The following GNAI3 variants were observed in gnomAD, a reference collection of about 807,000 sequenced individuals.
GNAI3 encodes the protein G protein subunit alpha i3, also known as guanine nucleotide-binding protein G(i) subunit alpha-3.
Under a neutral mutation model 41.8 loss-of-function variants are expected in GNAI3, and 12 were observed. The observed-to-expected ratio is 0.29, with a 90% CI of 0.18 to 0.47. GNAI3 has a LOEUF of 0.47. GNAI3 is among the 20% of genes least tolerant of loss of function. GNAI3 has a pLI of 1.00. For synonymous variants in GNAI3, 132 were observed against 146.5 expected (o/e 0.90, Z 0.71); for missense variants, 360 against 429.6 (o/e 0.84, Z 1.43).
intron 1 of GNAI3, among the ~76,000 whole-genome samples, 180 bp from the exon 2 acceptor site, chr1:109,573,557 A>G (rs1648661319): frequency 6.6e-6 from 1 of 152,208 alleles, no homozygotes; most frequent in Non-Finnish European, 1.5e-5. Context: ...TGAGTTATGT[A>G]AAGAAAGCAA....
chr1:109,596,692 C>T lies in GNAI3; in HGVS notation c.*4370C>T, dbSNP rs948284521. The T allele has an allele frequency of 6.6e-6, 1 of 152,164 alleles. No individual in the cohort carries two copies. Among genetic ancestry groups the T allele is most frequent in the Non-Finnish European group, 1.5e-5 (1 of 68,042 alleles). The allele number at this position is 152,164 out of a possible 1,614,324, so 9.4% of individuals were successfully genotyped here. A position where few individuals can be genotyped will look rare whatever the true frequency, so the allele number is the denominator to read the frequency against. ...TTCTGATACCATATCAGGCCTAGGC[C>T]TGGGCTGACTCAAATCTTCTCAGGA... On this transcript the variant is annotated 3_prime_UTR_variant, in exon 9 of 9. Coordinates refer to ENST00000369851, the MANE Select transcript of GNAI3 (RefSeq NM_006496.4).
intron 1 of GNAI3, among the ~76,000 whole-genome samples, chr1:109,550,656 C>T (rs1647960163): frequency 6.6e-6 from 1 of 152,126 alleles, no homozygotes; most frequent in Non-Finnish European, 1.5e-5. Flanking sequence ...GCCTCAGCCT[C>T]CCAAGTAGCT....
chr1:109,568,445 C>T (rs1648513910), intron 1 of GNAI3, among the ~76,000 whole-genome samples: 1 of 152,044 alleles, frequency 6.6e-6, no homozygotes, highest in African/African-American at 2.4e-5. Flanking sequence ...ACTCAGGAGG[C>T]TGAGGGAGGA....
At chr1:109,563,159 A>T (rs1177708568) in intron 1 of GNAI3, among the ~76,000 whole-genome samples, 1 of 152,200 alleles carries the variant, frequency 6.6e-6, no homozygotes, top group East Asian at 1.9e-4. Flanking sequence ...GCACCTTGGG[A>T]TCACTTGAGC....
chr1:109,551,339 T>C (rs1353997881), intron 1 of GNAI3, among the ~76,000 whole-genome samples: 1 of 152,214 alleles, frequency 6.6e-6, no homozygotes, highest in Non-Finnish European at 1.5e-5. Context: ...CAAAACAGTA[T>C]ACAGTTTTCT....
At chr1:109,567,166 AAGAG>A (rs1425709803) in intron 1 of GNAI3, among the ~76,000 whole-genome samples, 1 of 152,302 alleles carries the variant, frequency 6.6e-6, no homozygotes, top group South Asian at 2.1e-4. Context: ...GGGCCCGTAG[AAGAG>A]AGAGTCTTGG....
intron 1 of GNAI3, among the ~76,000 whole-genome samples, chr1:109,555,618 A>G (rs1648117782): frequency 6.6e-6 from 1 of 152,204 alleles, no homozygotes; most frequent in Admixed American, 6.5e-5. Flanking sequence ...TAGATTTCAC[A>G]GGGCATGTAA....
At chr1:109,569,143 A>G (rs1486739135) in intron 1 of GNAI3, among the ~76,000 whole-genome samples, 1 of 152,228 alleles carries the variant, frequency 6.6e-6, no homozygotes, top group Non-Finnish European at 1.5e-5. Context: ...TCCTACTTAT[A>G]TAGGATATCC....
chr1:109,587,538 G>A (rs929961996), intron 7 of GNAI3, among the ~76,000 whole-genome samples: 1 of 152,064 alleles, frequency 6.6e-6, no homozygotes, highest in African/African-American at 2.4e-5. Context: ...TTAGAAAAGA[G>A]GAATTGCATA....
intron 7 of GNAI3, 126 bp downstream of exon 7, chr1:109,587,008 T>C (rs1226639102): frequency 8.9e-6 from 6 of 677,770 alleles, no homozygotes; most frequent in South Asian, 1.7e-5. Context: ...GGTAGTGGCA[T>C]TGGCATTAAG....
In GNAI3 at chr1:109,598,462, T is replaced by C. The variant is rs548413120; in HGVS notation, c.*6140T>C. ...GTGATATTCTGTGGTTCTCATCAGATAGAAATAACATATTTGAAAATGCTT... is the reference window on the plus strand; with the variant it reads ...GTGATATTCTGTGGTTCTCATCAGACAGAAATAACATATTTGAAAATGCTT... On this transcript the variant is annotated 3_prime_UTR_variant, in exon 9 of 9. Transcript: ENST00000369851. The C allele has an allele frequency of 6.4e-6, 1 of 155,044 alleles. No individual in the cohort carries two copies. Among genetic ancestry groups the C allele is most frequent in the East Asian group, 1.9e-4 (1 of 5,312 alleles). The allele number at this position is 155,044 out of a possible 1,614,324, so 9.6% of individuals were successfully genotyped here.
rs1482694246 is a variant in GNAI3, at chr1:109,597,460, T to G, written c.*5138T>G. 4 of 151,944 alleles carry G rather than the reference T, an allele frequency of 2.6e-5. No individual in the cohort carries two copies. Among genetic ancestry groups the G allele is most frequent in the Non-Finnish European group, 4.4e-5 (3 of 67,946 alleles). The allele number at this position is 151,944 out of a possible 1,614,324, so 9.4% of individuals were successfully genotyped here. ...CTGGGCGACAGAGTGAGTCTGTTTT[T>G]TTTTTGTTTTTTTTTAAAGTCAACA... On this transcript the variant is annotated 3_prime_UTR_variant, in exon 9 of 9. Transcript: ENST00000369851.
At position 109,596,970 on chromosome 1, in the gene GNAI3, GAGAGTTC is replaced by G. The variant is rs1649324775; in HGVS notation, c.*4652_*4658del. On this transcript the variant is annotated 3_prime_UTR_variant, in exon 9 of 9. Coordinates refer to ENST00000369851, the MANE Select transcript of GNAI3 (RefSeq NM_006496.4). ...AAATCTCTTGGGACCAGAAGTGTTT[GAGAGTTC>G]AGATTTTTGTGAGGTTTTGAAATAT... 1 of 152,146 alleles carries G rather than the reference GAGAGTTC, an allele frequency of 6.6e-6. No individual in the cohort carries two copies. Among genetic ancestry groups the G allele is most frequent in the Admixed American group, 6.5e-5 (1 of 15,278 alleles). 9.4% of individuals were successfully genotyped at this position (152,146 alleles called of 1,614,324 possible).
At chr1:109,592,323 T>A in intron 8 of GNAI3, 22 bp from the exon 9 acceptor site, 1 of 822,088 alleles carries the variant, frequency 1.2e-6, no homozygotes, top group Non-Finnish European at 2.0e-6. Context: ...TTTTTCTAAT[T>A]AAGAATATTC....
Position 109,595,137 on chromosome 1 carries a change from C to T in GNAI3, c.*2815C>T, listed in dbSNP as rs1180932583. 6.6e-6 allele frequency: 1 copy of T among 152,124 alleles called. No homozygotes were observed. Among genetic ancestry groups the T allele is most frequent in the Non-Finnish European group, 1.5e-5 (1 of 68,022 alleles). The allele number at this position is 152,124 out of a possible 1,614,324, so 9.4% of individuals were successfully genotyped here. The stretch of plus-strand genomic sequence containing the variant: ...CCTTGTGTGTTTCCTCTGAAGAATG[C>T]TGGAGATTTGTGATGGATAATGTTT... On this transcript the variant is annotated 3_prime_UTR_variant, in exon 9 of 9. Coordinates refer to ENST00000369851, the MANE Select transcript of GNAI3 (RefSeq NM_006496.4).
Position 109,594,862 on chromosome 1 carries a change from C to G in GNAI3, c.*2540C>G, listed in dbSNP as rs1366095246. The G allele has an allele frequency of 6.6e-6, 1 of 152,092 alleles. No individual in the cohort carries two copies. Among genetic ancestry groups the G allele is most frequent in the Non-Finnish European group, 1.5e-5 (1 of 68,084 alleles). 9.4% of individuals were successfully genotyped at this position (152,092 alleles called of 1,614,324 possible). On this transcript the variant is annotated 3_prime_UTR_variant, in exon 9 of 9. Coordinates refer to ENST00000369851, the MANE Select transcript of GNAI3 (RefSeq NM_006496.4). ...CCGTGTTAGCCAGGATGGTCTTGATCCCCTGACCTCGTGATCTGCCTGCCT... is the reference window on the plus strand; with the variant it reads ...CCGTGTTAGCCAGGATGGTCTTGATGCCCTGACCTCGTGATCTGCCTGCCT...
At chr1:109,555,356 T>C (rs1481187942) in intron 1 of GNAI3, among the ~76,000 whole-genome samples, 2 of 152,088 alleles carry the variant, frequency 1.3e-5, no homozygotes, top group East Asian at 3.8e-4. Flanking sequence ...TGGAACAGAA[T>C]AGAGAGCCCA....
chr1:109,583,792 C>T (rs1047842024), intron 5 of GNAI3, among the ~76,000 whole-genome samples: 2 of 149,222 alleles, frequency 1.3e-5, no homozygotes, highest in East Asian at 2.0e-4. Context: ...GGGCTTTTAC[C>T]GTGTTAGCCA....
intron 3 of GNAI3, among the ~76,000 whole-genome samples, chr1:109,576,055 G>C (rs933102126): frequency 6.6e-6 from 1 of 151,812 alleles, no homozygotes; most frequent in African/African-American, 2.4e-5. Flanking sequence ...CTCTCTTATT[G>C]TCTTCTAGTA....
Sources: allele counts gnomAD v4.1 joint callset (sites outside exome capture counted in the v4.1 genomes callset), GRCh38; gene constraint gnomAD v4.1.1; transcripts MANE v1.5; gene names NCBI Gene and HGNC (gene_info 2026-07-23, HGNC 2026-07-21).